Variants in GPHN observed in about 807,000 individuals in gnomAD.
GPHN encodes gephyrin.
In GPHN, 17 loss-of-function variants were observed where a neutral mutation model predicts 95.5. The observed-to-expected ratio is 0.18, with a 90% CI of 0.12 to 0.27. The LOEUF (loss-of-function observed/expected upper bound fraction) is 0.27. GPHN is among the 10% of genes least tolerant of loss of function. GPHN has a pLI of 1.00. For missense variants in GPHN, 660 were observed against 978.1 expected (o/e 0.67, Z 4.34); for synonymous variants, 320 against 322.5 (o/e 0.99, Z 0.08).
chr14:66,725,415 G>T (rs936365691), intron 2 of GPHN, among the ~76,000 whole-genome samples: 1 of 152,110 alleles, frequency 6.6e-6, no homozygotes, highest in African/African-American at 2.4e-5. Context: ...TATGTTTTAT[G>T]TAGCAGTAAG....
chr14:66,665,609 G>A (rs2065906049), intron 1 of GPHN, among the ~76,000 whole-genome samples: 1 of 152,194 alleles, frequency 6.6e-6, no homozygotes, highest in Non-Finnish European at 1.5e-5. Context: ...AACAAGTGCT[G>A]GAGGGGATGT....
chr14:66,802,631 C>T (rs1440672047), intron 3 of GPHN, among the ~76,000 whole-genome samples: 3 of 152,164 alleles, frequency 2.0e-5, no homozygotes, highest in Non-Finnish European at 4.4e-5. Context: ...GGTATCACTG[C>T]TCATTATTCA....
downstream of GPHN, among the ~76,000 whole-genome samples, chr14:67,183,493 A>T (rs2083350932): frequency 6.6e-6 from 1 of 152,204 alleles, no homozygotes; most frequent in African/African-American, 2.4e-5. Flanking sequence ...TCACATAGAT[A>T]GTAGGAGAGA....
intron 1 of GPHN, among the ~76,000 whole-genome samples, chr14:66,593,095 C>A (rs2061827040): frequency 6.6e-6 from 1 of 152,054 alleles, no homozygotes; most frequent in African/African-American, 2.4e-5. Context: ...GGGAGTCAAA[C>A]AATGAGAGCA....
chr14:66,810,004 T>C (rs1331773516), intron 3 of GPHN, among the ~76,000 whole-genome samples: 1 of 152,106 alleles, frequency 6.6e-6, no homozygotes, highest in Non-Finnish European at 1.5e-5. Flanking sequence ...TTTGAAAAGA[T>C]AGATTAAATC....
chr14:67,068,521 G>T (rs958676315), intron 11 of GPHN, among the ~76,000 whole-genome samples: 10 of 152,090 alleles, frequency 6.6e-5, no homozygotes, highest in African/African-American at 2.4e-4. Flanking sequence ...CTTCTGTAAG[G>T]CAGATTAAAA....
chr14:67,640,454 G>A, the GPHN span, among the ~76,000 whole-genome samples: 1 of 152,140 alleles, frequency 6.6e-6, no homozygotes, highest in South Asian at 2.1e-4. Flanking sequence ...TGGCCTCATG[G>A]CTTTTTGTTA....
the GPHN span, among the ~76,000 whole-genome samples, chr14:67,561,289 T>C: frequency 6.6e-6 from 1 of 152,324 alleles, no homozygotes; most frequent in Middle Eastern, 3.4e-3. Flanking sequence ...GGCTCACACC[T>C]GTAGTCCCAG....
rs569759836 is a variant in GPHN at position 67,001,374 on chromosome 14, A to G, written c.964-22259A>G. On this transcript the variant is annotated intron_variant, in intron 9 of 22. Transcript: ENST00000478722. ...ATGGCACATTATAATATGATATGTT[A>G]TAATGTCATATTATAATGTGATAGC... Among the ~76,000 whole-genome samples, 3 of 151,690 alleles carry G rather than the reference A, an allele frequency of 2.0e-5. No homozygotes were observed. In the South Asian group the frequency reaches 6.2e-4, roughly 31 times the overall value.
intron 1 of GPHN, among the ~76,000 whole-genome samples, chr14:66,547,938 GTAA>G (rs1223349206): frequency 1.3e-5 from 2 of 152,164 alleles, no homozygotes; most frequent in East Asian, 3.8e-4. Context: ...AGGATAGCAA[GTAA>G]TAATACAGGC....
the GPHN span, chr14:67,651,502 G>A: frequency 8.7e-6 from 14 of 1,612,290 alleles, no homozygotes; most frequent in South Asian, 7.7e-5. Context: ...AAGCAAAGTG[G>A]GGAGTAGTCA....
intron 2 of GPHN, among the ~76,000 whole-genome samples, chr14:66,699,686 A>G (rs1367877770): frequency 2.6e-5 from 4 of 152,172 alleles, no homozygotes; most frequent in African/African-American, 7.2e-5. Flanking sequence ...TGGCTCTTCA[A>G]CTTCACCTCT....
the GPHN span, among the ~76,000 whole-genome samples, chr14:67,527,797 A>C: frequency 1.3e-5 from 2 of 152,228 alleles, no homozygotes; most frequent in Non-Finnish European, 2.9e-5. Context: ...AGTTGCTGAG[A>C]TGTCCTCAGA....
chr14:66,579,726 G>A (rs2061075037), intron 1 of GPHN, among the ~76,000 whole-genome samples: 1 of 151,766 alleles, frequency 6.6e-6, no homozygotes, highest in Non-Finnish European at 1.5e-5. Flanking sequence ...TAGATCTGAA[G>A]GGAGAGACAA....
At chr14:66,658,242 A>G (rs1408952401) in intron 1 of GPHN, among the ~76,000 whole-genome samples, 1 of 152,188 alleles carries the variant, frequency 6.6e-6, no homozygotes, top group Non-Finnish European at 1.5e-5. Flanking sequence ...TAAAATTTTC[A>G]CAGATGAGGA....
At chr14:67,702,941 G>T in the GPHN span, among the ~76,000 whole-genome samples, 3 of 152,242 alleles carry the variant, frequency 2.0e-5, no homozygotes, top group African/African-American at 7.2e-5. Flanking sequence ...AGCCTCCTGA[G>T]TACCTGGGAC....
chr14:67,225,234 G>GT, the GPHN span: 1 of 1,523,302 alleles, frequency 6.6e-7, no homozygotes, highest in Non-Finnish European at 8.8e-7. Flanking sequence ...AAAAGACAAA[G>GT]TTGATGGAAA....
intron 10 of GPHN, among the ~76,000 whole-genome samples, chr14:67,056,835 C>T (rs978663628): frequency 1.3e-5 from 2 of 152,078 alleles, no homozygotes; most frequent in Admixed American, 6.5e-5. Context: ...TCAGGCATGG[C>T]GGGCTGCAGG....
the GPHN span, among the ~76,000 whole-genome samples, chr14:67,224,200 C>T: frequency 6.6e-6 from 1 of 151,392 alleles, no homozygotes; most frequent in Non-Finnish European, 1.5e-5. Context: ...CAACTTTATG[C>T]ATGAAATAGG....
Sources: allele counts gnomAD v4.1 joint callset (sites outside exome capture counted in the v4.1 genomes callset), GRCh38; gene constraint gnomAD v4.1.1; transcripts MANE v1.5; gene names NCBI Gene and HGNC (gene_info 2026-07-23, HGNC 2026-07-21).